Variants in GABRB1 observed in about 807,000 individuals in gnomAD.
GABRB1 encodes gamma-aminobutyric acid receptor subunit beta-1.
Under a neutral mutation model 51.6 loss-of-function variants are expected in GABRB1, and 17 were observed. The observed-to-expected ratio is 0.33, with a 90% confidence interval of 0.23 to 0.49. The LOEUF (loss-of-function observed/expected upper bound fraction) is 0.49. Ranked by LOEUF, GABRB1 falls within the 20% of genes least tolerant of loss-of-function variation. GABRB1 has a pLI of 0.99. For synonymous variants in GABRB1, 247 were observed against 218.9 expected (o/e 1.13, Z -1.14); for missense variants, 410 against 600.6 (o/e 0.68, Z 3.32).
At chr4:47,150,679 G>C (rs1157616243) in intron 3 of GABRB1, among the ~76,000 whole-genome samples, 2 of 151,596 alleles carry the variant, frequency 1.3e-5, no homozygotes, top group African/African-American at 4.8e-5. Flanking sequence ...TTATAAGCAT[G>C]AGCAAAAATA....
At chr4:47,271,763 G>A (rs1478059529) in intron 4 of GABRB1, among the ~76,000 whole-genome samples, 1 of 152,088 alleles carries the variant, frequency 6.6e-6, no homozygotes, top group Non-Finnish European at 1.5e-5. Flanking sequence ...AGCAATAAGG[G>A]GGAAGGAACA....
intron 4 of GABRB1, among the ~76,000 whole-genome samples, chr4:47,175,588 T>C (rs961120676): frequency 1.3e-5 from 2 of 152,188 alleles, no homozygotes; most frequent in Non-Finnish European, 2.9e-5. Flanking sequence ...GAACCTTATA[T>C]GAAAATAAAA....
intron 4 of GABRB1, among the ~76,000 whole-genome samples, chr4:47,289,457 T>C (rs1428994826): frequency 6.6e-6 from 1 of 152,190 alleles, no homozygotes; most frequent in Non-Finnish European, 1.5e-5. Context: ...ACAAACCAAA[T>C]GATGTGAACC....
At chr4:47,332,607 G>C (rs1376567473) in intron 5 of GABRB1, among the ~76,000 whole-genome samples, 2 of 152,048 alleles carry the variant, frequency 1.3e-5, no homozygotes, top group East Asian at 1.9e-4. Flanking sequence ...CCCACCCCAG[G>C]CCAATAGCAT....
chr4:47,357,797 G>C (rs753342030), intron 5 of GABRB1, among the ~76,000 whole-genome samples: 6 of 152,120 alleles, frequency 3.9e-5, no homozygotes, highest in African/African-American at 7.2e-5. Flanking sequence ...CTCAGAGCCT[G>C]GTTCTCTGAT....
intron 3 of GABRB1, among the ~76,000 whole-genome samples, chr4:47,090,705 T>C (rs1370716402): frequency 6.6e-6 from 1 of 152,182 alleles, no homozygotes; most frequent in Non-Finnish European, 1.5e-5. Context: ...GAGAACCTAC[T>C]ACATTAAAGG....
chr4:47,254,624 G>T (rs1276228849), intron 4 of GABRB1, among the ~76,000 whole-genome samples: 1 of 151,606 alleles, frequency 6.6e-6, no homozygotes, highest in Non-Finnish European at 1.5e-5. Context: ...CGTTTGCCTT[G>T]GCCTCTCAAA....
chr4:47,193,098 C>T (rs1719509349), intron 4 of GABRB1, among the ~76,000 whole-genome samples: 1 of 152,006 alleles, frequency 6.6e-6, no homozygotes, highest in South Asian at 2.1e-4. Context: ...TTGTAATTAT[C>T]CCCACAGTTT....
intron 5 of GABRB1, among the ~76,000 whole-genome samples, chr4:47,355,191 A>C (rs1330773569): frequency 6.6e-6 from 1 of 151,964 alleles, no homozygotes; most frequent in Non-Finnish European, 1.5e-5. Flanking sequence ...CATGTTGACC[A>C]GGCTGGTCTC....
chr4:47,403,268 A>G, intron 5 of GABRB1, 50 bp from the exon 6 acceptor site: 1 of 1,601,092 alleles, frequency 6.2e-7, no homozygotes, highest in Non-Finnish European at 8.5e-7. Context: ...GATGGTATTC[A>G]AAATGATTTC....
At chr4:47,079,756 C>T (rs995527166) in intron 3 of GABRB1, among the ~76,000 whole-genome samples, 4 of 148,536 alleles carry the variant, frequency 2.7e-5, no homozygotes, top group Non-Finnish European at 5.9e-5. Context: ...GGACAAAAAA[C>T]CAAACACCAC....
At chr4:47,343,405 A>G (rs1468579745) in intron 5 of GABRB1, among the ~76,000 whole-genome samples, 1 of 152,040 alleles carries the variant, frequency 6.6e-6, no homozygotes, top group Non-Finnish European at 1.5e-5. Flanking sequence ...ATTCAGCTTG[A>G]CCCTTTTTAT....
At chr4:47,223,416 T>C (rs1405788392) in intron 4 of GABRB1, among the ~76,000 whole-genome samples, 1 of 152,108 alleles carries the variant, frequency 6.6e-6, no homozygotes, top group African/African-American at 2.4e-5. Flanking sequence ...AAATAAAATA[T>C]ATACATAAAT....
intron 1 of GABRB1, among the ~76,000 whole-genome samples, chr4:46,995,204 A>G (rs1343291843): frequency 6.6e-6 from 1 of 152,208 alleles, no homozygotes. Flanking sequence ...AAAGCAATGA[A>G]TTGCTTGTTC....
intron 3 of GABRB1, 87 bp from the exon 4 acceptor site, chr4:47,161,162 T>G: frequency 1.1e-6 from 1 of 897,758 alleles, no homozygotes; most frequent in Non-Finnish European, 1.7e-6. Context: ...AAATGTAATC[T>G]CTTACAGGAC....
intron 3 of GABRB1, among the ~76,000 whole-genome samples, chr4:47,153,037 G>C (rs1337459868): frequency 1.3e-5 from 2 of 151,928 alleles, no homozygotes; most frequent in Non-Finnish European, 2.9e-5. Flanking sequence ...GAAGTGACGG[G>C]AATTTCACGC....
At chr4:47,394,694 T>G (rs1728121616) in intron 5 of GABRB1, among the ~76,000 whole-genome samples, 1 of 152,128 alleles carries the variant, frequency 6.6e-6, no homozygotes, top group Non-Finnish European at 1.5e-5. Context: ...TCACACCATC[T>G]TCCTGAATGG....
rs577442649 is a variant in GABRB1, at chr4:47,303,885, A to T, written c.462-16242A>T. On this transcript the variant is annotated intron_variant, in intron 4 of 8. Transcript: ENST00000295454. ...TACTTCTATGACTTTAACTTGTTAG[A>T]TTCCACATATGAGTGAAATCATGTG... Among the ~76,000 whole-genome samples the T allele has an allele frequency of 2.0e-5, 3 of 152,126 alleles. No individual in the cohort carries two copies. In the East Asian group the frequency reaches 5.8e-4, roughly 29 times the overall value.
intron 3 of GABRB1, among the ~76,000 whole-genome samples, chr4:47,120,832 T>C (rs879274056): frequency 6.6e-6 from 1 of 152,112 alleles, no homozygotes; most frequent in Non-Finnish European, 1.5e-5. Context: ...CTACTGTGGC[T>C]GAGTTGATAT....
Sources: gnomAD v4.1 joint callset for allele counts (sites outside exome capture counted in the v4.1 genomes callset) on GRCh38, gnomAD v4.1.1 for gene constraint, MANE v1.5 for transcripts, NCBI Gene and HGNC (gene_info 2026-07-23, HGNC 2026-07-21) for gene names.